NREP: variants seen among roughly 807,000 people sequenced by gnomAD.
The protein encoded by NREP is neuronal regeneration related protein.
A neutral mutation model predicts 8.6 loss-of-function variants in NREP; 5 were observed. The ratio of observed to expected loss-of-function variants is 0.58; its 90% CI spans 0.30 to 1.22. NREP has a LOEUF of 1.22. Among genes scored for constraint, NREP ranks in the 50% most tolerant of loss-of-function variants. The pLI, the probability that NREP is intolerant of heterozygous loss-of-function variation, is 0.07. For synonymous variants in NREP, 27 were observed against 28.0 expected, an observed-to-expected ratio of 0.96 and a Z score of 0.11; for missense variants, 86 against 82.5, an observed-to-expected ratio of 1.04 and a Z score of -0.17.
intron 2 of NREP, among the ~76,000 whole-genome samples, chr5:111,961,756 A>AC (rs1756486564): frequency 6.6e-6 from 1 of 152,200 alleles, no homozygotes; most frequent in Admixed American, 6.5e-5. Context: ...GGTTTTATGA[A>AC]CTAGAGCTCC....
rs567513656 is a variant in NREP, at chr5:111,767,060, G to C, written c.136-31553C>G. ...ACCCTAAGAATTTGAATGCACACGTGAAAAAAGCCTCAATTGGTAACACAT... is the reference window on the plus strand; with the variant it reads ...ACCCTAAGAATTTGAATGCACACGTCAAAAAAGCCTCAATTGGTAACACAT... On this transcript the variant is annotated intron_variant, in intron 2 of 3. Transcript: ENST00000395634. 1.8e-4 allele frequency among the ~76,000 whole-genome samples: 28 copies of C among 152,140 alleles called. No homozygotes were observed. The South Asian group carries it at 3.9e-3, about 21-fold the overall frequency.
intron 2 of NREP, among the ~76,000 whole-genome samples, chr5:111,880,176 C>A (rs1211515744): frequency 6.6e-6 from 1 of 151,864 alleles, no homozygotes; most frequent in Non-Finnish European, 1.5e-5. Flanking sequence ...TTTTTTTCAC[C>A]TCTCTCTGTT....
intron 2 of NREP, among the ~76,000 whole-genome samples, chr5:111,810,798 G>T (rs78124855): frequency 2.0e-5 from 3 of 152,186 alleles, no homozygotes; most frequent in Non-Finnish European, 4.4e-5. Context: ...CTTTGTTTTG[G>T]GGGGTACAAA....
chr5:111,876,723 A>G (rs941440730), intron 2 of NREP, among the ~76,000 whole-genome samples: 2 of 152,254 alleles, frequency 1.3e-5, no homozygotes, highest in South Asian at 4.1e-4. Flanking sequence ...CATAACATTA[A>G]TCAAATTTTA....
intron 2 of NREP, among the ~76,000 whole-genome samples, chr5:111,787,434 A>G (rs566728211): frequency 2.4e-4 from 37 of 152,350 alleles, no homozygotes; most frequent in African/African-American, 8.9e-4. Flanking sequence ...AAACTACAGT[A>G]AATGCATCTT....
intron 2 of NREP, among the ~76,000 whole-genome samples, chr5:111,915,907 T>C (rs1414830664): frequency 6.6e-6 from 1 of 152,122 alleles, no homozygotes; most frequent in Non-Finnish European, 1.5e-5. Flanking sequence ...CTAATATTAC[T>C]AGAAGAATTG....
At chr5:111,821,495 A>G (rs776598795) in intron 2 of NREP, among the ~76,000 whole-genome samples, 5 of 152,216 alleles carry the variant, frequency 3.3e-5, no homozygotes, top group Non-Finnish European at 5.9e-5. Context: ...TAATGTAATC[A>G]TATTTGGGGA....
intron 2 of NREP, among the ~76,000 whole-genome samples, chr5:111,826,594 C>T (rs1752634141): frequency 6.6e-6 from 1 of 152,242 alleles, no homozygotes; most frequent in Non-Finnish European, 1.5e-5. Context: ...CCGCAGGGGT[C>T]CGTGGCTTCA....
intron 2 of NREP, chr5:111,974,404 C>T (rs967000981): frequency 6.6e-5 from 10 of 152,102 alleles, no homozygotes; most frequent in African/African-American, 1.2e-4. Context: ...GACATTAGAA[C>T]GCATCATAAA....
intron 2 of NREP, among the ~76,000 whole-genome samples, chr5:111,879,945 C>T (rs184591377): frequency 5.3e-5 from 8 of 152,340 alleles, no homozygotes; most frequent in Admixed American, 5.2e-4. Flanking sequence ...AAAGGTCAGT[C>T]TCCAAATATC....
At chr5:111,972,299 G>A (rs58982735) in intron 2 of NREP, among the ~76,000 whole-genome samples, 5,948 of 152,142 alleles carry the variant, frequency 0.039, 411 homozygotes, top group African/African-American at 0.13. Flanking sequence ...GAATGTGGTT[G>A]GTACAGTCAT....
intron 2 of NREP, among the ~76,000 whole-genome samples, chr5:111,774,700 C>A (rs867051852): frequency 3.9e-5 from 6 of 152,112 alleles, no homozygotes; most frequent in Admixed American, 1.3e-4. Context: ...GCCTTGTGAC[C>A]GCAAGGAACT....
chr5:111,802,346 G>C (rs1235627681), intron 2 of NREP, among the ~76,000 whole-genome samples: 3 of 152,164 alleles, frequency 2.0e-5, no homozygotes, highest in African/African-American at 7.2e-5. Flanking sequence ...AAAAAAAGTA[G>C]GTGAATGATT....
Position 111,903,875 on chromosome 5 carries a change from T to C in NREP, c.135+71399A>G, listed in dbSNP as rs142935189. 1.5e-3 allele frequency among the ~76,000 whole-genome samples: 229 copies of C among 152,316 alleles called. 1 individual carries two copies. The highest frequency in any genetic ancestry group is 5.1e-3 in the African/African-American group (212 of 41,580). Reference sequence around the variant, plus strand: ...CAAGTTATTCTAATCTCTAGACCTATGATCTTATCACTGGCTGAAAGCTCA... The same window carrying C: ...CAAGTTATTCTAATCTCTAGACCTACGATCTTATCACTGGCTGAAAGCTCA... On this transcript the variant is annotated intron_variant, in intron 2 of 3. Coordinates refer to the NREP transcript ENST00000395634.
intron 2 of NREP, among the ~76,000 whole-genome samples, chr5:111,914,491 C>G (rs1431015732): frequency 6.6e-6 from 1 of 152,110 alleles, no homozygotes; most frequent in Non-Finnish European, 1.5e-5. Context: ...GCCTTTGCCT[C>G]TTTTGGAAAG....
At chr5:111,886,410 G>A (rs1379547841) in intron 2 of NREP, among the ~76,000 whole-genome samples, 3 of 152,164 alleles carry the variant, frequency 2.0e-5, no homozygotes, top group Non-Finnish European at 4.4e-5. Flanking sequence ...GGAAGTCAGT[G>A]TGGTGATTCC....
At chr5:111,870,971 A>G (rs1753775696) in intron 2 of NREP, among the ~76,000 whole-genome samples, 1 of 152,090 alleles carries the variant, frequency 6.6e-6, no homozygotes, top group East Asian at 1.9e-4. Flanking sequence ...CAAGGCATAA[A>G]ATTCTGGAAA....
At chr5:111,918,408 AG>A (rs1245596373) in intron 2 of NREP, among the ~76,000 whole-genome samples, 3 of 152,222 alleles carry the variant, frequency 2.0e-5, no homozygotes, top group Non-Finnish European at 4.4e-5. Context: ...AGGCAATCCT[AG>A]GCAAAAAGAA....
At chr5:111,878,137 C>G (rs1246876999) in intron 2 of NREP, among the ~76,000 whole-genome samples, 1 of 152,210 alleles carries the variant, frequency 6.6e-6, no homozygotes, top group African/African-American at 2.4e-5. Flanking sequence ...CCAAGAAGAA[C>G]TGACCATTAA....
Sources: allele counts gnomAD v4.1 joint callset (sites outside exome capture counted in the v4.1 genomes callset), GRCh38; gene constraint gnomAD v4.1.1; transcripts MANE v1.5; gene names NCBI Gene and HGNC (gene_info 2026-07-23, HGNC 2026-07-21).